Variants in DCST2 observed in about 807,000 individuals in gnomAD.
DCST2 encodes the protein DC-STAMP domain containing 2.
Under a neutral mutation model 81.8 loss-of-function variants are expected in DCST2, and 64 were observed. That is an observed-to-expected ratio of 0.78 (90% CI 0.64 to 0.96). DCST2 has a LOEUF of 0.96. Among genes scored for constraint, DCST2 ranks in the 40% least tolerant of loss-of-function variants. The pLI is 0.00. For synonymous variants in DCST2, 354 were observed against 402.6 expected, an observed-to-expected ratio of 0.88 and a Z score of 1.44; for missense variants, 945 against 1,001.4, an observed-to-expected ratio of 0.94 and a Z score of 0.76.
chr1:155,033,510 G>A lies in DCST2; in HGVS notation c.192C>T (p.Ala64=). The A allele has an allele frequency of 6.2e-7, 1 of 1,614,038 alleles. No homozygotes were observed. Among genetic ancestry groups the A allele is most frequent in the Non-Finnish European group, 8.5e-7 (1 of 1,179,972 alleles). The change falls in exon 1 of 15, where the codon GCC becomes GCT. Residue 64 remains alanine, a synonymous_variant. Transcript: ENST00000368424. ...AGAATCCCATGCCCAGGCTAAGGAA[G>A]GCAGCCAAAGTGAGGGTGCCCACCA... The part of the protein sequence containing the change: ...GCLVGTLTLA[A]FLSLGMGFSR...
chr1:155,033,672 G>T lies in DCST2; in HGVS notation c.30C>A (p.His10Gln), dbSNP rs773521202. 3 of 1,613,996 alleles carry T rather than the reference G, an allele frequency of 1.9e-6. No individual in the cohort carries two copies. The Admixed American group carries it at 5.0e-5, about 27-fold the overall frequency. ...TGCTAGGCTCCTCTCCCCCCAAGGGGTGCACAACATCCTTCATGACTTTGG... is the reference window on the plus strand; with the variant it reads ...TGCTAGGCTCCTCTCCCCCCAAGGGTTGCACAACATCCTTCATGACTTTGG... MPKVMKDVV[H>Q]PLGGEEPSMA... Residue 10 changes from histidine (H) to glutamine (Q), a missense_variant, in exon 1 of 15, where the codon CAC becomes CAA. His to Gln is a conservative substitution (Grantham distance 24). Coordinates refer to ENST00000368424, the MANE Select transcript of DCST2 (RefSeq NM_144622.3).
intron 8 of DCST2, among the ~76,000 whole-genome samples, chr1:155,028,523 G>A (rs1277678267): frequency 6.6e-6 from 1 of 151,604 alleles, no homozygotes; most frequent in African/African-American, 2.4e-5. Flanking sequence ...GGCAGAGATT[G>A]TAGTGAGCCA....
At chr1:155,033,356 C>T (rs1660160790) in intron 1 of DCST2, 78 bp downstream of exon 1, 12 of 1,587,730 alleles carry the variant, frequency 7.6e-6, no homozygotes, top group Non-Finnish European at 1.0e-5. Context: ...TCCCTTAACC[C>T]CTGCCTCTCC....
intron 11 of DCST2, 41 bp from the exon 12 acceptor site, chr1:155,024,000 C>T: frequency 6.3e-7 from 1 of 1,592,678 alleles, no homozygotes; most frequent in Non-Finnish European, 8.6e-7. Flanking sequence ...CCAGCCCAGC[C>T]AGCTTAACCC....
chr1:155,026,468 C>T (rs1321936451), intron 9 of DCST2, 66 bp from the exon 10 acceptor site: 6 of 1,612,450 alleles, frequency 3.7e-6, no homozygotes, highest in Non-Finnish European at 3.4e-6. Context: ...CCCTGGCGCC[C>T]CCCACATCCT....
At chr1:155,025,347 T>C (rs2102337320) in intron 10 of DCST2, among the ~76,000 whole-genome samples, 1 of 152,196 alleles carries the variant, frequency 6.6e-6, no homozygotes, top group Middle Eastern at 3.4e-3. Context: ...TTTGTTTTTT[T>C]GAGATGGAGT....
At chr1:155,027,198 A>ATTTTTT (rs900841532) in intron 8 of DCST2, among the ~76,000 whole-genome samples, 1 of 94,212 alleles carries the variant, frequency 1.1e-5, no homozygotes, top group Non-Finnish European at 2.0e-5. Flanking sequence ...ACGACCGGCT[A>ATTTTTT]TTTTTTTTTT....
In DCST2 at chr1:155,024,606, G is replaced by A. The variant is rs1469100266; in HGVS notation, c.1612-4C>T. On this transcript the variant is annotated splice_region_variant and splice_polypyrimidine_tract_variant and intron_variant, in intron 10 of 14. Transcript: ENST00000368424. ...TGTACAGGTAGGAGATCCTCTCCTG[G>A]TGCGGGGAGATCAGGGATGGGGTCC... is the stretch of plus-strand genomic sequence containing the variant. The A allele has an allele frequency of 1.3e-6, 2 of 1,591,842 alleles. No homozygotes were observed. The highest frequency in any genetic ancestry group is 1.2e-5 in the South Asian group (1 of 86,130).
chr1:155,032,080 G>A (rs1035110600), intron 3 of DCST2, among the ~76,000 whole-genome samples: 4 of 152,036 alleles, frequency 2.6e-5, no homozygotes, highest in African/African-American at 9.7e-5. Flanking sequence ...TGCAACCTCC[G>A]CCTCCTGGGT....
rs1482519126 is a variant in DCST2 at position 155,018,552 on chromosome 1, G to A, written c.2314C>T (p.Pro772Ser). Residue 772 changes from proline (P) to serine (S), a missense_variant, in exon 15 of 15, where the codon CCC becomes TCC. Coordinates refer to ENST00000368424, the MANE Select transcript of DCST2 (RefSeq NM_144622.3). ...PSLPDPSHPP[P>S]K Reference sequence around the variant, plus strand: ...TTGTGTCCACTTTTGGTTTATTTGGGGGGTGGGTGGGAAGGATCAGGAAGA... The same window carrying A: ...TTGTGTCCACTTTTGGTTTATTTGGAGGGTGGGTGGGAAGGATCAGGAAGA... 6.8e-6 allele frequency: 11 copies of A among 1,612,478 alleles called. No individual in the cohort carries two copies. The highest frequency in any genetic ancestry group is 9.3e-6 in the Non-Finnish European group (11 of 1,179,054).
chr1:155,019,861 C>A (rs965014646), intron 14 of DCST2, among the ~76,000 whole-genome samples: 2 of 152,250 alleles, frequency 1.3e-5, no homozygotes, highest in African/African-American at 4.8e-5. Flanking sequence ...AATCCCTTAA[C>A]CTCCCTAGTC....
chr1:155,023,710 G>A, intron 12 of DCST2, 122 bp downstream of exon 12: 1 of 1,576,006 alleles, frequency 6.3e-7, no homozygotes, highest in Non-Finnish European at 8.6e-7. Flanking sequence ...GCATAGTAAT[G>A]AAGGGAGGGG....
intron 4 of DCST2, 59 bp downstream of exon 4, chr1:155,031,515 T>TGCCCC: frequency 1.4e-5 from 9 of 643,126 alleles, no homozygotes; most frequent in Non-Finnish European, 2.0e-5. Context: ...ACCCCCACAT[T>TGCCCC]CCCACCCCAC....
chr1:155,024,423 T>C (rs772108156), intron 11 of DCST2, 49 bp downstream of exon 11: 4 of 1,505,678 alleles, frequency 2.7e-6, no homozygotes, highest in Non-Finnish European at 3.6e-6. Flanking sequence ...TCCTGGCTCT[T>C]TTTCTATCCC....
chr1:155,030,199 A>G lies in DCST2; in HGVS notation c.1062T>C (p.Tyr354=), dbSNP rs1660030605. The G allele has an allele frequency of 6.2e-7, 1 of 1,614,068 alleles. No homozygotes were observed. Among genetic ancestry groups the G allele is most frequent in the South Asian group, 1.1e-5 (1 of 91,096 alleles). ...ATCGGCTAGTGATGTAGATATTGTC[A>G]TAATGGTCCCAGTTCAGGTAACAAT... The part of the protein sequence containing the change: ...YRYCYLNWDH[Y]DNIYITSRFL... The change falls in exon 7 of 15, where the codon TAT becomes TAC. Residue 354 remains tyrosine, a synonymous_variant. Coordinates refer to ENST00000368424, the MANE Select transcript of DCST2 (RefSeq NM_144622.3).
In DCST2 at chr1:155,033,173, G is replaced by T. The variant is rs779665410; in HGVS notation, c.360C>A (p.Ser120Arg). 6.2e-7 allele frequency: 1 copy of T among 1,612,632 alleles called. No homozygotes were observed. ...GCTCTGCCCCACAGGCTACAGCCTCGCTGGCCCGGGTGAAGTTGCGTAGAG... is the reference window on the plus strand; with the variant it reads ...GCTCTGCCCCACAGGCTACAGCCTCTCTGGCCCGGGTGAAGTTGCGTAGAG... ...ANTLRNFTRA[S>R]EAVACGAELA... The change falls in exon 2 of 15, where the codon AGC becomes AGA. Residue 120 changes from serine to arginine, a missense_variant. Transcript: ENST00000368424.
Position 155,031,758 on chromosome 1 carries a change from C to G in DCST2, c.555G>C (p.Arg185=), listed in dbSNP as rs1190072126. Residue 185 remains arginine (R), a synonymous_variant, in exon 4 of 15, where the codon CGG becomes CGC. Transcript: ENST00000368424. ...TGTGCAGGAGCCACTGCCACACATT[C>G]CGGAGAGCCCTGGCTGGGGACAGCT... is the stretch of plus-strand genomic sequence containing the variant. ...DGVKHIARAL[R]NVWQWLLHIG... is the part of the protein sequence containing the mutation. 2 of 1,613,946 alleles carry G rather than the reference C, an allele frequency of 1.2e-6. No individual in the cohort carries two copies. The highest frequency in any genetic ancestry group is 1.3e-5 in the African/African-American group (1 of 75,014).
chr1:155,031,519 A>ACCCCC, intron 4 of DCST2, 55 bp downstream of exon 4: 2 of 412,708 alleles, frequency 4.8e-6, no homozygotes, highest in Non-Finnish European at 8.8e-6. Context: ...CCACATTCCC[A>ACCCCC]CCCCACCCCA....
In DCST2 at chr1:155,026,556, A is replaced by G; in HGVS notation, c.1502T>C (p.Ile501Thr). Reference protein sequence around the residue: ...RPSEPDSTGYIVIGVMYGLCF... With the variant: ...RPSEPDSTGYTVIGVMYGLCF... ...CAGGGTGTAGTTGATACCAATGACTATGTAGCCAGTGCTGTCAGGCTCCGA... is the reference window on the plus strand; with the variant it reads ...CAGGGTGTAGTTGATACCAATGACTGTGTAGCCAGTGCTGTCAGGCTCCGA... The change falls in exon 9 of 15, where the codon ATA becomes ACA. Residue 501 changes from isoleucine to threonine, a missense_variant. Coordinates refer to ENST00000368424, the MANE Select transcript of DCST2 (RefSeq NM_144622.3). The G allele has an allele frequency of 6.2e-7, 1 of 1,614,186 alleles. No individual in the cohort carries two copies.
Sources: allele counts gnomAD v4.1 joint callset (sites outside exome capture counted in the v4.1 genomes callset), GRCh38; gene constraint gnomAD v4.1.1; transcripts MANE v1.5; gene names NCBI Gene and HGNC (gene_info 2026-07-23, HGNC 2026-07-21).